TNRC18: variants seen among roughly 807,000 people sequenced by gnomAD.
TNRC18 encodes the protein trinucleotide repeat-containing gene 18 protein.
Under a neutral mutation model 226.7 loss-of-function variants are expected in TNRC18, and 69 were observed. The observed-to-expected ratio is 0.30, with a 90% CI of 0.25 to 0.37. The LOEUF is 0.37. Among genes scored for constraint, TNRC18 ranks in the 10% least tolerant of loss-of-function variants. The pLI, the probability that TNRC18 is intolerant of heterozygous loss-of-function variation, is 1.00. For synonymous variants in TNRC18, 2,449 were observed against 1,927.6 expected, an observed-to-expected ratio of 1.27 and a Z score of -7.09; for missense variants, 4,754 against 4,256.6, an observed-to-expected ratio of 1.12 and a Z score of -3.25.
chr7:5,394,448 G>C lies in TNRC18; in HGVS notation c.335C>G (p.Ala112Gly), dbSNP rs1445299856. The C allele has an allele frequency of 7.1e-6, 11 of 1,544,970 alleles. No individual in the cohort carries two copies. The highest frequency in any genetic ancestry group is 5.0e-5 in the East Asian group (2 of 40,192). The change falls in exon 3 of 30, where the codon GCC becomes GGC. Residue 112 changes from alanine to glycine, a missense_variant. Ala to Gly is a moderately conservative substitution (Grantham distance 60). Transcript: ENST00000430969. The surrounding 1 kb of genome is among the most constrained non-coding windows in gnomAD (Gnocchi z 4.5). ...CCCGGCATGTTCCTTACCTTCATGGGCGTGGGCGGCCCACAGCTGCACCAT... is the reference window on the plus strand; with the variant it reads ...CCCGGCATGTTCCTTACCTTCATGGCCGTGGGCGGCCCACAGCTGCACCAT... ...LPMVQLWAAHAHEGFSHLPSG... is the reference protein window; with the variant it reads ...LPMVQLWAAHGHEGFSHLPSG...
Position 5,389,100 on chromosome 7 carries a change from TC to T in TNRC18, c.723del (p.Thr242ProfsTer40). 7.7e-7 allele frequency: 1 copy of T among 1,302,764 alleles called. No homozygotes were observed. Among genetic ancestry groups the T allele is most frequent in the South Asian group, 1.8e-5 (1 of 56,310 alleles). 80.7% of individuals were successfully genotyped at this position (1,302,764 alleles called of 1,614,324 possible). A position where few individuals can be genotyped will look rare whatever the true frequency, so the allele number is the denominator to read the frequency against. ...EASGPRGVVDLTQEARAEGRQ... is the reference protein window; with the variant it reads ...EASGPRGVVDXTQEARAEGRQ... ...CGGCCCTCGGCGCGCGCCTCCTGGGTCAGGTCCACCACGCCCCGTGGCCCCG... is the reference window on the plus strand; with the variant it reads ...CGGCCCTCGGCGCGCGCCTCCTGGGTAGGTCCACCACGCCCCGTGGCCCCG... On this transcript the variant is annotated frameshift_variant, in exon 5 of 30. Coordinates refer to ENST00000430969, the MANE Select transcript of TNRC18 (RefSeq NM_001080495.3). LOFTEE classifies it high-confidence loss of function.
intron 18 of TNRC18, 45 bp downstream of exon 18, chr7:5,345,517 G>GGGGCCGCGGGGGCCCGC: frequency 2.6e-6 from 1 of 377,744 alleles, no homozygotes; most frequent in Non-Finnish European, 4.8e-6. Flanking sequence ...AATGGCGTCC[G>GGGGCCGCGGGGGCCCGC]CCCCTCCCAC....
At position 5,407,038 on chromosome 7, in the gene TNRC18, C is replaced by CT. The variant is rs571379707; in HGVS notation, c.188-12444dup. The CT allele has an allele frequency of 7.2e-4, 109 of 152,340 alleles. 1 individual carries two copies. Among genetic ancestry groups the CT allele is most frequent in the African/African-American group, 2.5e-3 (106 of 41,570 alleles). 9.4% of individuals were successfully genotyped at this position (152,340 alleles called of 1,614,324 possible). On this transcript the variant is annotated intron_variant, in intron 2 of 29. Coordinates refer to ENST00000430969, the MANE Select transcript of TNRC18 (RefSeq NM_001080495.3). Reference sequence around the variant, plus strand: ...GACCTGGGGGTGGGCGTCTCACACTCTCTGAGCCTAAAATGGCAAGATTCT... The same window carrying CT: ...GACCTGGGGGTGGGCGTCTCACACTCTTCTGAGCCTAAAATGGCAAGATTCT...
chr7:5,359,301 A>G (rs1792783100), intron 15 of TNRC18, 97 bp downstream of exon 15: 8 of 1,282,726 alleles, frequency 6.2e-6, no homozygotes, highest in Non-Finnish European at 8.9e-6. Context: ...GTTTCTGTAC[A>G]GGAACAAAGG....
At chr7:5,379,809 G>A (rs1027019423) in intron 5 of TNRC18, among the ~76,000 whole-genome samples, 4 of 152,226 alleles carry the variant, frequency 2.6e-5, no homozygotes, top group South Asian at 2.1e-4. Context: ...TCGCACAGGC[G>A]GAGGCACGGC....
chr7:5,357,412 ATATTT>A, intron 15 of TNRC18, 136 bp from the exon 16 acceptor site: 2 of 993,870 alleles, frequency 2.0e-6, no homozygotes, highest in Non-Finnish European at 2.8e-6. Context: ...GCACGCATAT[ATATTT>A]ATTTTTTTTT....
chr7:5,385,997 A>AAC (rs1779757475), intron 5 of TNRC18, among the ~76,000 whole-genome samples: 2 of 149,838 alleles, frequency 1.3e-5, no homozygotes, highest in South Asian at 2.1e-4. Flanking sequence ...AAAAAAAAAA[A>AAC]AAAAAAAAAA....
intron 24 of TNRC18, among the ~76,000 whole-genome samples, chr7:5,318,639 G>A (rs1458960315): frequency 1.3e-5 from 2 of 152,012 alleles, no homozygotes; most frequent in African/African-American, 2.4e-5. Flanking sequence ...CAGATCTAGG[G>A]ATAATGAGAA....
At chr7:5,345,398 C>T (rs1373686563) in intron 18 of TNRC18, among the ~76,000 whole-genome samples, 164 bp downstream of exon 18, 2 of 152,320 alleles carry the variant, frequency 1.3e-5, no homozygotes, top group Admixed American at 1.3e-4. Flanking sequence ...GCCCCTGTCG[C>T]GAGCATCCCT....
intron 11 of TNRC18, among the ~76,000 whole-genome samples, chr7:5,368,423 G>T (rs899443517): frequency 6.6e-6 from 1 of 152,108 alleles, no homozygotes; most frequent in African/African-American, 2.4e-5. Context: ...AGCACTTTGG[G>T]TGGCCAAGGC....
At chr7:5,353,121 G>A (rs147826004) in intron 16 of TNRC18, among the ~76,000 whole-genome samples, 3 of 152,318 alleles carry the variant, frequency 2.0e-5, no homozygotes, top group East Asian at 3.9e-4. Flanking sequence ...CAGGCTACCA[G>A]CCCCTGCCCA....
intron 2 of TNRC18, among the ~76,000 whole-genome samples, chr7:5,396,562 A>G (rs548596206): frequency 3.3e-5 from 5 of 152,152 alleles, no homozygotes; most frequent in African/African-American, 1.2e-4. Context: ...CAGCCATGGC[A>G]CCCATTCGCT....
intron 2 of TNRC18, among the ~76,000 whole-genome samples, chr7:5,419,526 C>T (rs1782407463): frequency 6.6e-6 from 1 of 152,172 alleles, no homozygotes; most frequent in Admixed American, 6.5e-5. Flanking sequence ...CTCAGATGGT[C>T]TCTGTACCCC....
chr7:5,349,182 G>A (rs886551989), intron 17 of TNRC18, among the ~76,000 whole-genome samples: 1 of 152,214 alleles, frequency 6.6e-6, no homozygotes, highest in Non-Finnish European at 1.5e-5. Flanking sequence ...CCTCGGCATG[G>A]GAGACCCTCC....
chr7:5,346,248 G>C (rs759050509), intron 17 of TNRC18, among the ~76,000 whole-genome samples: 3 of 152,220 alleles, frequency 2.0e-5, no homozygotes, highest in Admixed American at 1.3e-4. Flanking sequence ...TGGGGACTCA[G>C]GCTAGGGGTT....
chr7:5,366,733 C>T (rs549454536), intron 11 of TNRC18, among the ~76,000 whole-genome samples: 47 of 152,280 alleles, frequency 3.1e-4, no homozygotes, highest in African/African-American at 1.1e-3. Flanking sequence ...ACCCCCGCCT[C>T]GAGGTCCTGC....
chr7:5,309,487 C>G lies in TNRC18; in HGVS notation c.8389-119G>C, dbSNP rs1367032394. 1.2e-6 allele frequency: 1 copy of G among 815,832 alleles called. No homozygotes were observed. Among genetic ancestry groups the G allele is most frequent in the African/African-American group, 1.7e-5 (1 of 57,722 alleles). 50.5% of individuals were successfully genotyped at this position (815,832 alleles called of 1,614,324 possible). On this transcript the variant is annotated intron_variant, in intron 27 of 29. Transcript: ENST00000430969. The surrounding 1 kb of genome is among the most constrained non-coding windows in gnomAD (Gnocchi z 5.7). ...GGCCTCTAAATCAACCCCTATCCAA[C>G]TGTGGGGAGATGAGGAAGCTCCTTG...
chr7:5,362,926 G>A (rs1378815478), intron 11 of TNRC18, 101 bp from the exon 12 acceptor site: 36 of 1,249,514 alleles, frequency 2.9e-5, no homozygotes, highest in East Asian at 5.4e-5. Flanking sequence ...CAGGCCACAC[G>A]TGCCCATCCC....
At chr7:5,350,558 C>A (rs1225819481) in intron 17 of TNRC18, among the ~76,000 whole-genome samples, 1 of 152,200 alleles carries the variant, frequency 6.6e-6, no homozygotes. Context: ...TACCCAGGGC[C>A]TGGGGGATCC....
Sources: gnomAD v4.1 joint callset for allele counts (sites outside exome capture counted in the v4.1 genomes callset) on GRCh38, gnomAD v4.1.1 for gene constraint, Gnocchi (gnomAD v3.1) non-coding constraint, MANE v1.5 for transcripts, NCBI Gene and HGNC (gene_info 2026-07-23, HGNC 2026-07-21) for gene names.